Variants in NCOA3 observed in about 807,000 individuals in gnomAD.
The protein encoded by NCOA3 is CBP-interacting protein.
NCOA3 carries 51 observed loss-of-function variants against 158.8 expected under a neutral mutation model. That is an observed-to-expected ratio of 0.32 (90% CI 0.26 to 0.41). The LOEUF is 0.41. Among genes scored for constraint, NCOA3 ranks in the 10% least tolerant of loss-of-function variants. The pLI is 1.00. For missense variants in NCOA3, 1,510 were observed against 1,746.6 expected (o/e 0.86, Z 2.41); for synonymous variants, 537 against 592.4 (o/e 0.91, Z 1.36).
Position 47,651,113 on chromosome 20 carries a change from GCAGCAGCAACAGCAACAGCAACAGCAA to G in NCOA3, c.3798_3824del (p.Gln1268_Gln1276del), listed in dbSNP as rs766082726. 1.2e-5 allele frequency: 19 copies of G among 1,592,542 alleles called. 1 individual carries two copies. The South Asian group carries it at 1.3e-4, about 11-fold the overall frequency. ...AGCAACAGCAGCAGCAGCAGCAGCAGCAGCAGCAACAGCAACAGCAACAGCAACAGCAGCAACAGCAGCAAACCCAGG... is the reference window on the plus strand; with the variant it reads ...AGCAACAGCAGCAGCAGCAGCAGCAGCAGCAGCAACAGCAGCAAACCCAGG... On this transcript the variant is annotated inframe_deletion, in exon 20 of 23. Transcript: ENST00000371998.
intron 1 of NCOA3, among the ~76,000 whole-genome samples, chr20:47,531,044 A>G (rs1472842353): frequency 6.6e-6 from 1 of 152,164 alleles, no homozygotes; most frequent in Non-Finnish European, 1.5e-5. Flanking sequence ...AAGGAATAAA[A>G]TTGAGGAATT....
At position 47,639,029 on chromosome 20, in the gene NCOA3, T is replaced by C. The variant is rs1206047323; in HGVS notation, c.2534T>C (p.Val845Ala). ...NSLGLKSSQS[V>A]QSIRPPYNRA... Reference sequence around the variant, plus strand: ...ACAGGTTTGAAAAGTTCACAGTCTGTGCAGTCTATTCGTCCTCCATATAAC... The same window carrying C: ...ACAGGTTTGAAAAGTTCACAGTCTGCGCAGTCTATTCGTCCTCCATATAAC... Residue 845 changes from valine to alanine, a missense_variant, in exon 14 of 23, where the codon GTG (valine) becomes GCG (alanine). Around this residue, in one of 4 missense-constraint regions of NCOA3, gnomAD observed 1,017 missense variants for 1,098.3 expected, o/e 0.93. Transcript: ENST00000371998. The C allele has an allele frequency of 3.7e-6, 6 of 1,612,966 alleles. No homozygotes were observed. Among genetic ancestry groups the C allele is most frequent in the Non-Finnish European group, 8.5e-7 (1 of 1,179,684 alleles).
In NCOA3 at chr20:47,583,275, A is replaced by C. The variant is rs1313503728; in HGVS notation, c.-20+14A>C. On this transcript the variant is annotated intron_variant, in intron 2 of 22. Transcript: ENST00000371998. ...CTGGTTAGCCAGGTAATTCAGCTTTAGTTTGATTTGATCCTTTGTAATTTT... is the reference window on the plus strand; with the variant it reads ...CTGGTTAGCCAGGTAATTCAGCTTTCGTTTGATTTGATCCTTTGTAATTTT... 2.5e-6 allele frequency: 1 copy of C among 398,430 alleles called. No homozygotes were observed. Among genetic ancestry groups the C allele is most frequent in the Non-Finnish European group, 4.4e-6 (1 of 226,020 alleles). 24.7% of individuals were successfully genotyped at this position (398,430 alleles called of 1,614,324 possible). A position where few individuals can be genotyped will look rare whatever the true frequency, so the allele number is the denominator to read the frequency against.
At chr20:47,507,610 T>TTTG (rs11472962) in intron 1 of NCOA3, among the ~76,000 whole-genome samples, 40,405 of 151,512 alleles carry the variant, frequency 0.27, 6,143 homozygotes, top group East Asian at 0.57. Flanking sequence ...CCAACAACTT[T>TTTG]TTGTTGTTGT....
chr20:47,532,732 C>G (rs1416975324), intron 1 of NCOA3, among the ~76,000 whole-genome samples: 1 of 152,058 alleles, frequency 6.6e-6, no homozygotes, highest in African/African-American at 2.4e-5. Context: ...CTCAGCTTCC[C>G]AAAGTATTGG....
Position 47,635,380 on chromosome 20 carries a change from A to G in NCOA3, c.1171A>G (p.Met391Val), listed in dbSNP as rs116144422. ...TGTTGGACAAGGGATTAGACCACCTATGGCTGGATGCAACAGTTCGGTAGG... is the reference window on the plus strand; with the variant it reads ...TGTTGGACAAGGGATTAGACCACCTGTGGCTGGATGCAACAGTTCGGTAGG... The part of the protein sequence containing the change: ...NPVGQGIRPP[M>V]AGCNSSVGGM... The change falls in exon 11 of 23, where the codon ATG (methionine) becomes GTG (valine). Residue 391 changes from methionine to valine, a missense_variant. Around this residue, in one of 4 missense-constraint regions of NCOA3, gnomAD observed 1,017 missense variants for 1,098.3 expected, o/e 0.93. Transcript: ENST00000371998. 1,218 of 1,614,004 alleles carry G rather than the reference A, an allele frequency of 7.5e-4. 12 individuals carry two copies. In the African/African-American group the frequency reaches 0.015, roughly 20 times the overall value.
intron 1 of NCOA3, among the ~76,000 whole-genome samples, chr20:47,505,189 G>T (rs539556274): frequency 6.7e-6 from 1 of 149,780 alleles, no homozygotes; most frequent in Non-Finnish European, 1.5e-5. Context: ...AGCCTCCCAA[G>T]TAGCTGGGAT....
chr20:47,602,874 G>T (rs2085884716), intron 2 of NCOA3, among the ~76,000 whole-genome samples: 1 of 152,098 alleles, frequency 6.6e-6, no homozygotes, highest in East Asian at 1.9e-4. Flanking sequence ...CCTTTTGGCA[G>T]TTGGAAAGGA....
In NCOA3 at chr20:47,633,676, C is replaced by T. The variant is rs1214355176; in HGVS notation, c.964+40C>T. On this transcript the variant is annotated intron_variant, in intron 9 of 22. Coordinates refer to ENST00000371998, the MANE Select transcript of NCOA3 (RefSeq NM_181659.3). ...GGTTGATTGTTCTTATCATTTTATT[C>T]TTTAGAGACAGGGCCTTGCTATCTT... 5 of 1,591,480 alleles carry T rather than the reference C, an allele frequency of 3.1e-6. No individual in the cohort carries two copies. In the African/African-American group the frequency reaches 6.8e-5, roughly 22 times the overall value.
intron 1 of NCOA3, among the ~76,000 whole-genome samples, chr20:47,530,981 C>G (rs772593474): frequency 5.9e-5 from 9 of 152,148 alleles, no homozygotes; most frequent in Non-Finnish European, 1.2e-4. Context: ...TTGTAATTAT[C>G]TACCCTGTTT....
chr20:47,579,520 A>G (rs2085420245), intron 1 of NCOA3, among the ~76,000 whole-genome samples: 1 of 152,266 alleles, frequency 6.6e-6, no homozygotes, highest in Non-Finnish European at 1.5e-5. Context: ...TTGCCTTTGC[A>G]GAATCTTTTT....
chr20:47,578,595 G>C (rs951976246), intron 1 of NCOA3, among the ~76,000 whole-genome samples: 4 of 152,138 alleles, frequency 2.6e-5, no homozygotes, highest in African/African-American at 9.7e-5. Flanking sequence ...TGAAACCTGT[G>C]GTTAGAGTTT....
intron 2 of NCOA3, among the ~76,000 whole-genome samples, chr20:47,585,546 G>T (rs1407058084): frequency 6.6e-6 from 1 of 152,074 alleles, no homozygotes; most frequent in Non-Finnish European, 1.5e-5. Flanking sequence ...GGCTTTATCT[G>T]GCTTTCTATT....
intron 16 of NCOA3, 58 bp from the exon 17 acceptor site, chr20:47,642,155 C>T (rs2086621647): frequency 7.7e-7 from 1 of 1,292,764 alleles, no homozygotes; most frequent in Non-Finnish European, 1.1e-6. Flanking sequence ...TTGCTGTGAT[C>T]TATTACTCTT....
chr20:47,526,447 C>T (rs1313692451), intron 1 of NCOA3, among the ~76,000 whole-genome samples: 1 of 152,174 alleles, frequency 6.6e-6, no homozygotes. Context: ...CGAGATCACG[C>T]CACTGCACTC....
At chr20:47,574,385 A>T (rs1306153221) in intron 1 of NCOA3, among the ~76,000 whole-genome samples, 1 of 152,190 alleles carries the variant, frequency 6.6e-6, no homozygotes, top group Admixed American at 6.5e-5. Flanking sequence ...TCAGAGTACA[A>T]CAGAGTAATT....
Position 47,645,472 on chromosome 20 carries a change from T to C in NCOA3, c.3253-1601T>C, listed in dbSNP as rs536995288. Among the ~76,000 whole-genome samples the C allele has an allele frequency of 7.9e-5, 12 of 152,352 alleles. No homozygotes were observed. In the East Asian group the frequency reaches 2.1e-3, roughly 27 times the overall value. On this transcript the variant is annotated intron_variant, in intron 17 of 22. Coordinates refer to ENST00000371998, the MANE Select transcript of NCOA3 (RefSeq NM_181659.3). ...ATAAGTCTAAGTTTTTCTGTTCTGT[T>C]GAGCTGGTTCCTACTTCTCTATTCA...
At chr20:47,539,299 C>T (rs1265507265) in intron 1 of NCOA3, among the ~76,000 whole-genome samples, 1 of 152,114 alleles carries the variant, frequency 6.6e-6, no homozygotes, top group Non-Finnish European at 1.5e-5. Context: ...CTGGTCATAC[C>T]ATCGTACTAT....
intron 17 of NCOA3, among the ~76,000 whole-genome samples, chr20:47,644,630 G>T (rs563561652): frequency 1.4e-4 from 22 of 152,186 alleles, no homozygotes; most frequent in African/African-American, 5.3e-4. Context: ...AGCAGCATCA[G>T]TTGTCTTTAC....
Sources: gnomAD v4.1 joint callset for allele counts (sites outside exome capture counted in the v4.1 genomes callset) on GRCh38, gnomAD v4.1.1 for gene constraint, gnomAD v4.1.1 regional missense constraint, MANE v1.5 for transcripts, NCBI Gene and HGNC (gene_info 2026-07-23, HGNC 2026-07-21) for gene names.